ATP10B: variants seen among roughly 807,000 people sequenced by gnomAD.
ATP10B encodes the protein phospholipid-transporting ATPase VB.
In ATP10B, 122 loss-of-function variants were observed where a neutral mutation model predicts 141.2. The observed-to-expected ratio is 0.86, with a 90% confidence interval of 0.75 to 1.00. The LOEUF (loss-of-function observed/expected upper bound fraction) is 1.00. Among genes scored for constraint, ATP10B ranks in the 50% least tolerant of loss-of-function variants. The probability of loss-of-function intolerance (pLI) is 0.00; values close to 1 mark genes in which losing one functional copy is unlikely to be tolerated. For missense variants in ATP10B, 1,876 were observed against 1,825.3 expected, an observed-to-expected ratio of 1.03 and a Z score of -0.51; for synonymous variants, 685 against 692.0, an observed-to-expected ratio of 0.99 and a Z score of 0.16.
chr5:160,594,391 C>G (rs1399784579), intron 22 of ATP10B, among the ~76,000 whole-genome samples: 3 of 152,124 alleles, frequency 2.0e-5, no homozygotes, highest in Non-Finnish European at 4.4e-5. Context: ...GAAGGAAGCA[C>G]TAAACATGGA....
the ATP10B span, among the ~76,000 whole-genome samples, chr5:160,866,348 G>T: frequency 6.6e-6 from 1 of 152,030 alleles, no homozygotes; most frequent in Non-Finnish European, 1.5e-5. Context: ...TTATAAAAGC[G>T]GGAGCTAAGC....
At chr5:160,718,183 G>A (rs1458103708) in intron 2 of ATP10B, among the ~76,000 whole-genome samples, 2 of 152,202 alleles carry the variant, frequency 1.3e-5, no homozygotes, top group African/African-American at 4.8e-5. Flanking sequence ...GGAATTGGAT[G>A]CGTACACTGA....
intron 7 of ATP10B, among the ~76,000 whole-genome samples, chr5:160,662,129 C>T (rs1761967359): frequency 6.6e-6 from 1 of 152,252 alleles, no homozygotes; most frequent in South Asian, 2.1e-4. Flanking sequence ...CAAACCACTG[C>T]TCAATGAAAT....
intron 21 of ATP10B, among the ~76,000 whole-genome samples, chr5:160,599,550 G>A (rs1236825535): frequency 6.6e-6 from 1 of 152,180 alleles, no homozygotes; most frequent in Non-Finnish European, 1.5e-5. Context: ...AATGGCAGTG[G>A]AGTGGTAATA....
intron 1 of ATP10B, among the ~76,000 whole-genome samples, chr5:160,799,081 G>A (rs1772169096): frequency 6.6e-6 from 1 of 152,000 alleles, no homozygotes; most frequent in Non-Finnish European, 1.5e-5. Flanking sequence ...TTAGTGAAAT[G>A]GAAATCCATC....
chr5:160,686,049 AAG>A, intron 6 of ATP10B, 28 bp downstream of exon 6: 3 of 1,498,218 alleles, frequency 2.0e-6, no homozygotes, highest in African/African-American at 1.4e-5. Context: ...ACCCATTTGC[AAG>A]AGAGAACACA....
chr5:160,793,417 C>T (rs1660476606), intron 1 of ATP10B, among the ~76,000 whole-genome samples: 1 of 152,176 alleles, frequency 6.6e-6, no homozygotes, highest in African/African-American at 2.4e-5. Context: ...ACTCTGTAGA[C>T]CAACACTCTT....
At chr5:160,680,787 A>G (rs1306765846) in intron 6 of ATP10B, among the ~76,000 whole-genome samples, 1 of 152,170 alleles carries the variant, frequency 6.6e-6, no homozygotes, top group East Asian at 1.9e-4. Context: ...GTACAATCCC[A>G]TCTCTTGCCC....
chr5:160,830,970 A>AACACAC (rs779765993), intron 1 of ATP10B, among the ~76,000 whole-genome samples: 30 of 70,668 alleles, frequency 4.2e-4, no homozygotes, highest in African/African-American at 7.7e-4. Flanking sequence ...TACATACACA[A>AACACAC]ACACACACAC....
the ATP10B span, among the ~76,000 whole-genome samples, chr5:160,912,077 T>C: frequency 6.6e-6 from 1 of 151,902 alleles, no homozygotes; most frequent in African/African-American, 2.4e-5. Flanking sequence ...CATCTATAGG[T>C]GTTGAAAGGG....
the ATP10B span, among the ~76,000 whole-genome samples, chr5:160,925,361 C>T: frequency 6.6e-6 from 1 of 152,190 alleles, no homozygotes; most frequent in African/African-American, 2.4e-5. Flanking sequence ...TCATACCTAT[C>T]GATTTGTATA....
intron 24 of ATP10B, among the ~76,000 whole-genome samples, chr5:160,585,135 C>A (rs1467860028): frequency 6.6e-6 from 1 of 152,154 alleles, no homozygotes; most frequent in Non-Finnish European, 1.5e-5. Context: ...GAGGCTGAAG[C>A]CATTTGTTCT....
At chr5:160,743,017 A>C (rs2127809528) in intron 2 of ATP10B, among the ~76,000 whole-genome samples, 1 of 152,374 alleles carries the variant, frequency 6.6e-6, no homozygotes, top group South Asian at 2.1e-4. Flanking sequence ...AAGATGATAG[A>C]GGTAATAGTG....
chr5:160,847,224 A>C (rs1776178899), intron 1 of ATP10B, among the ~76,000 whole-genome samples: 2 of 152,236 alleles, frequency 1.3e-5, no homozygotes, highest in Non-Finnish European at 2.9e-5. Context: ...GCATTTCATC[A>C]GAATTGCCAA....
chr5:160,662,164 G>T (rs1315461178), intron 7 of ATP10B, among the ~76,000 whole-genome samples: 3 of 152,042 alleles, frequency 2.0e-5, no homozygotes, highest in Non-Finnish European at 4.4e-5. Context: ...ACAAATGGAA[G>T]AACATTCCAT....
chr5:160,792,119 C>G (rs577523870), intron 1 of ATP10B, among the ~76,000 whole-genome samples: 53 of 152,222 alleles, frequency 3.5e-4, no homozygotes, highest in African/African-American at 1.1e-3. Flanking sequence ...TAAATCCCCC[C>G]CTCCCTAAAC....
the ATP10B span, among the ~76,000 whole-genome samples, chr5:160,872,267 C>G: frequency 6.6e-6 from 1 of 152,054 alleles, no homozygotes; most frequent in Non-Finnish European, 1.5e-5. Flanking sequence ...ATTGTTGATT[C>G]TGGATATTAC....
intron 20 of ATP10B, chr5:160,603,552 T>C (rs1757217868): frequency 5.1e-6 from 1 of 195,274 alleles, no homozygotes; most frequent in Non-Finnish European, 1.1e-5. Flanking sequence ...ATACCCCTGG[T>C]CTAACAGATT....
intron 1 of ATP10B, among the ~76,000 whole-genome samples, chr5:160,788,862 C>T (rs1771365506): frequency 6.6e-6 from 1 of 152,058 alleles, no homozygotes; most frequent in Non-Finnish European, 1.5e-5. Context: ...TCCACTCATT[C>T]ATCCAAAATG....
Sources: gnomAD v4.1 joint callset for allele counts (sites outside exome capture counted in the v4.1 genomes callset) on GRCh38, gnomAD v4.1.1 for gene constraint, MANE v1.5 for transcripts, NCBI Gene and HGNC (gene_info 2026-07-23, HGNC 2026-07-21) for gene names.